Variants in PHF21A observed in about 807,000 individuals in gnomAD.
The protein encoded by PHF21A is PHD finger protein 21A.
Under a neutral mutation model 82.5 loss-of-function variants are expected in PHF21A, and 11 were observed. The observed-to-expected ratio is 0.13, with a 90% CI of 0.08 to 0.22. PHF21A has a LOEUF of 0.22. PHF21A is among the 10% of genes least tolerant of loss of function. The pLI is 1.00. For missense variants in PHF21A, 579 were observed against 837.8 expected (o/e 0.69, Z 3.81); for synonymous variants, 297 against 302.8 (o/e 0.98, Z 0.20).
intron 6 of PHF21A, among the ~76,000 whole-genome samples, chr11:46,043,491 T>C (rs1444135651): frequency 1.3e-5 from 2 of 152,126 alleles, no homozygotes; most frequent in African/African-American, 2.4e-5. Context: ...TCACGGTCTA[T>C]TAGTTATTAA....
At chr11:46,104,009 A>T (rs2097127097) in intron 1 of PHF21A, among the ~76,000 whole-genome samples, 1 of 152,192 alleles carries the variant, frequency 6.6e-6, no homozygotes. Flanking sequence ...TCTCAGGCTC[A>T]GTTTCTAGGC....
intron 8 of PHF21A, chr11:45,970,913 C>A: frequency 1.7e-6 from 1 of 598,524 alleles, no homozygotes; most frequent in Non-Finnish European, 2.9e-6. Flanking sequence ...TGAATTTAGT[C>A]CTTGGTGTCA....
intron 6 of PHF21A, among the ~76,000 whole-genome samples, chr11:46,042,871 C>T (rs150642561): frequency 4.6e-5 from 7 of 152,010 alleles, no homozygotes; most frequent in Non-Finnish European, 1.0e-4. Context: ...ATGCCTTGAA[C>T]GTGGACATCC....
chr11:46,113,323 G>A (rs971730500), intron 1 of PHF21A, among the ~76,000 whole-genome samples: 1 of 152,130 alleles, frequency 6.6e-6, no homozygotes, highest in African/African-American at 2.4e-5. Context: ...TATGTTCTCT[G>A]ATGTGGCACA....
intron 6 of PHF21A, among the ~76,000 whole-genome samples, chr11:46,068,206 T>G (rs1218064587): frequency 6.6e-6 from 1 of 152,168 alleles, no homozygotes; most frequent in African/African-American, 2.4e-5. Context: ...GCCAAGATTT[T>G]CATTCTCTGC....
intron 1 of PHF21A, among the ~76,000 whole-genome samples, chr11:46,101,960 C>T (rs556262714): frequency 2.6e-5 from 4 of 151,798 alleles, no homozygotes; most frequent in South Asian, 2.1e-4. Flanking sequence ...TGTGTTCAAG[C>T]GATTCTCCTG....
chr11:46,084,579 T>A (rs1014397022), intron 3 of PHF21A, among the ~76,000 whole-genome samples: 1 of 152,152 alleles, frequency 6.6e-6, no homozygotes, highest in Non-Finnish European at 1.5e-5. Flanking sequence ...CACTACATAC[T>A]GAGGATACAG....
At chr11:45,995,084 A>C (rs537247166) in intron 6 of PHF21A, among the ~76,000 whole-genome samples, 1 of 152,342 alleles carries the variant, frequency 6.6e-6, no homozygotes, top group South Asian at 2.1e-4. Flanking sequence ...GATGTTGAGA[A>C]TGAGAAGAGA....
At chr11:45,979,671 G>C (rs1591534899) in intron 7 of PHF21A, 89 bp downstream of exon 7, 6 of 1,580,022 alleles carry the variant, frequency 3.8e-6, no homozygotes, top group African/African-American at 2.7e-5. Context: ...GCTGAGCTTA[G>C]TATAGTGTGA....
chr11:45,952,073 G>A (rs958866020), intron 11 of PHF21A, among the ~76,000 whole-genome samples: 7 of 152,156 alleles, frequency 4.6e-5, no homozygotes, highest in African/African-American at 1.4e-4. Context: ...CCAAAGTGGT[G>A]GGATTACAGG....
chr11:45,933,453 G>A lies in PHF21A; in HGVS notation c.*515C>T. The A allele has an allele frequency of 6.5e-6, 1 of 153,024 alleles. No individual in the cohort carries two copies. The allele number at this position is 153,024 out of a possible 1,614,324, so 9.5% of individuals were successfully genotyped here. On this transcript the variant is annotated 3_prime_UTR_variant, in exon 19 of 19. Transcript: ENST00000676320. ...ACTCCCCTTCCCTCTTCTGGGCACTGGGGTTGGTGAAATCTCAATTCCTTT... is the reference window on the plus strand; with the variant it reads ...ACTCCCCTTCCCTCTTCTGGGCACTAGGGTTGGTGAAATCTCAATTCCTTT...
At chr11:46,029,835 C>T (rs1271236145) in intron 6 of PHF21A, among the ~76,000 whole-genome samples, 1 of 152,160 alleles carries the variant, frequency 6.6e-6, no homozygotes, top group African/African-American at 2.4e-5. Context: ...TTTACTCCAC[C>T]TGCAGTTATA....
chr11:46,001,506 C>T (rs2095130837), intron 6 of PHF21A, among the ~76,000 whole-genome samples: 1 of 152,036 alleles, frequency 6.6e-6, no homozygotes, highest in African/African-American at 2.4e-5. Flanking sequence ...CCGTCACATG[C>T]ACCACAGCAT....
At chr11:45,964,620 A>C (rs569161626) in intron 10 of PHF21A, among the ~76,000 whole-genome samples, 53 of 152,224 alleles carry the variant, frequency 3.5e-4, no homozygotes, top group African/African-American at 1.2e-3. Context: ...CTTTCTCATC[A>C]CTAGTCGTTT....
chr11:45,987,735 C>A (rs948745361), intron 6 of PHF21A, among the ~76,000 whole-genome samples: 1 of 146,584 alleles, frequency 6.8e-6, no homozygotes, highest in Admixed American at 6.9e-5. Flanking sequence ...ATCATAGAGG[C>A]TATTAATTTG....
intron 18 of PHF21A, chr11:45,935,343 A>G (rs2135012305): frequency 1.0e-6 from 1 of 959,182 alleles, no homozygotes; most frequent in East Asian, 4.1e-5. Context: ...ACGCAGGGCC[A>G]TGGCTACACT....
intron 6 of PHF21A, among the ~76,000 whole-genome samples, chr11:45,999,347 AC>A (rs1322603493): frequency 6.6e-6 from 1 of 152,220 alleles, no homozygotes. Context: ...AAAAATTATT[AC>A]TTTGCAGAAA....
Position 45,979,960 on chromosome 11 carries a change from C to T in PHF21A, c.160G>A (p.Val54Ile). The change falls in exon 7 of 19, where the codon GTA (valine) becomes ATA (isoleucine). Residue 54 changes from valine to isoleucine, a missense_variant. This residue lies in a region of PHF21A where 410 missense variants were observed against 642.1 expected (regional missense o/e 0.64). Transcript: ENST00000676320. ...ITALSEKQKR[V>I]VEQLRKNLIV... ...AGGTTCTTCCGTAGCTGTTCAACTA[C>T]TCTTTTCTACCAAATGAAGACAAAA... 1 of 1,614,040 alleles carries T rather than the reference C, an allele frequency of 6.2e-7. No homozygotes were observed. Among genetic ancestry groups the T allele is most frequent in the South Asian group, 1.1e-5 (1 of 91,084 alleles).
intron 6 of PHF21A, among the ~76,000 whole-genome samples, chr11:46,042,417 C>A (rs192575247): frequency 3.3e-5 from 5 of 152,216 alleles, no homozygotes; most frequent in Admixed American, 3.3e-4. Flanking sequence ...ACCACTTGAG[C>A]TGGTCTACGC....
Sources: gnomAD v4.1 joint callset for allele counts (sites outside exome capture counted in the v4.1 genomes callset) on GRCh38, gnomAD v4.1.1 for gene constraint, gnomAD v4.1.1 regional missense constraint, MANE v1.5 for transcripts, NCBI Gene and HGNC (gene_info 2026-07-23, HGNC 2026-07-21) for gene names.